Variants in PUS10 observed in about 807,000 individuals in gnomAD.
PUS10 encodes the protein pseudouridine synthase 10.
PUS10 carries 59 observed loss-of-function variants against 75.0 expected under a neutral mutation model. The ratio of observed to expected loss-of-function variants is 0.79; its 90% confidence interval spans 0.64 to 0.98. PUS10 has a LOEUF of 0.98. Among genes scored for constraint, PUS10 ranks in the 50% least tolerant of loss-of-function variants. The pLI is 0.00. For synonymous variants in PUS10, 219 were observed against 211.6 expected, an observed-to-expected ratio of 1.03 and a Z score of -0.30; for missense variants, 650 against 614.4, an observed-to-expected ratio of 1.06 and a Z score of -0.61.
At chr2:60,944,852 G>A (rs1045468691) in intron 17 of PUS10, among the ~76,000 whole-genome samples, 157 bp downstream of exon 17, 3 of 151,632 alleles carry the variant, frequency 2.0e-5, no homozygotes, top group Non-Finnish European at 2.9e-5. Context: ...AAAAAAATCC[G>A]AAGACAGTCC....
intron 4 of PUS10, among the ~76,000 whole-genome samples, chr2:61,002,377 T>C (rs894924358): frequency 1.3e-5 from 2 of 152,244 alleles, no homozygotes. Context: ...TTATTTTGTA[T>C]CTGTAAATAA....
intron 4 of PUS10, among the ~76,000 whole-genome samples, chr2:60,979,988 T>C (rs528534925): frequency 1.3e-5 from 2 of 152,298 alleles, no homozygotes; most frequent in South Asian, 4.1e-4. Flanking sequence ...TAGGTGCTGA[T>C]GTTTGTTTAG....
At chr2:61,001,703 A>G (rs1420529037) in intron 4 of PUS10, among the ~76,000 whole-genome samples, 4 of 152,246 alleles carry the variant, frequency 2.6e-5, no homozygotes, top group Non-Finnish European at 4.4e-5. Context: ...TCATAGGCCA[A>G]ACTAAAAAGT....
At chr2:61,017,630 GT>G in intron 1 of PUS10, 2 of 668,734 alleles carry the variant, frequency 3.0e-6, no homozygotes, top group Non-Finnish European at 5.2e-6. Flanking sequence ...CTCAAGCCTT[GT>G]CCTGACTGCA....
intron 4 of PUS10, among the ~76,000 whole-genome samples, chr2:60,981,374 C>A (rs1677381264): frequency 6.6e-6 from 1 of 152,066 alleles, no homozygotes. Context: ...CTTTTGCCTC[C>A]CAGGTTCAAG....
At chr2:60,948,943 T>C (rs1468245294) in intron 15 of PUS10, among the ~76,000 whole-genome samples, 2 of 152,306 alleles carry the variant, frequency 1.3e-5, no homozygotes, top group Non-Finnish European at 1.5e-5. Context: ...CCTCTTCATT[T>C]TCTTGTCGGA....
intron 4 of PUS10, among the ~76,000 whole-genome samples, chr2:60,997,704 T>TATA (rs1558970939): frequency 6.6e-6 from 1 of 152,126 alleles, no homozygotes; most frequent in Non-Finnish European, 1.5e-5. Context: ...ACATTCATTG[T>TATA]ATAATAGTTT....
At chr2:60,964,287 G>C (rs1446737034) in intron 8 of PUS10, among the ~76,000 whole-genome samples, 1 of 152,250 alleles carries the variant, frequency 6.6e-6, no homozygotes, top group Non-Finnish European at 1.5e-5. Context: ...CCAGCAATTA[G>C]TCAAAGCAAG....
At chr2:60,974,592 C>T (rs1275135052) in intron 4 of PUS10, among the ~76,000 whole-genome samples, 2 of 152,172 alleles carry the variant, frequency 1.3e-5, no homozygotes, top group African/African-American at 2.4e-5. Flanking sequence ...CCTAGGAGCT[C>T]CCTGAGCCAG....
intron 3 of PUS10, 73 bp from the exon 4 acceptor site, chr2:61,006,716 T>A: frequency 8.4e-7 from 1 of 1,188,786 alleles, no homozygotes; most frequent in Non-Finnish European, 1.2e-6. Flanking sequence ...CTTAATAACA[T>A]GAATTTCTGG....
intron 4 of PUS10, among the ~76,000 whole-genome samples, chr2:60,990,463 C>T (rs1388264494): frequency 6.6e-6 from 1 of 152,118 alleles, no homozygotes; most frequent in Non-Finnish European, 1.5e-5. Context: ...GAGAGGGAAT[C>T]CTGATAAGCC....
Position 61,018,017 on chromosome 2 carries a change from CT to C in PUS10, c.-26del. On this transcript the variant is annotated 5_prime_UTR_variant, in exon 1 of 18. Transcript: ENST00000316752. ...GAGCTGGGGCGCTTACCAGTGGGGA[CT>C]TTAGTGTCTCACAGCTGTTTCTGAC... is the stretch of plus-strand genomic sequence containing the variant. 1 of 1,384,930 alleles carries C rather than the reference CT, an allele frequency of 7.2e-7. No homozygotes were observed. The highest frequency in any genetic ancestry group is 9.7e-7 in the Non-Finnish European group (1 of 1,033,728). The allele number at this position is 1,384,930 out of a possible 1,614,324, so 85.8% of individuals were successfully genotyped here. A position where few individuals can be genotyped will look rare whatever the true frequency, so the allele number is the denominator to read the frequency against.
chr2:60,999,817 G>C (rs75914809), intron 4 of PUS10, among the ~76,000 whole-genome samples: 13 of 152,132 alleles, frequency 8.5e-5, no homozygotes, highest in African/African-American at 1.2e-4. Context: ...AAACATTTAG[G>C]GGGGAAAAAG....
intron 4 of PUS10, among the ~76,000 whole-genome samples, chr2:60,990,579 T>A (rs757050403): frequency 1.3e-5 from 2 of 152,280 alleles, no homozygotes; most frequent in Admixed American, 1.3e-4. Flanking sequence ...ATCACTGCAA[T>A]CCCTGTAGCT....
At position 61,018,082 on chromosome 2, in the gene PUS10, C is replaced by T. The variant is rs1028233709; in HGVS notation, c.-90G>A. The T allele has an allele frequency of 5.1e-5, 77 of 1,520,206 alleles. No homozygotes were observed. The Middle Eastern group carries it at 6.0e-4, about 12-fold the overall frequency. 94.2% of individuals were successfully genotyped at this position (1,520,206 alleles called of 1,614,324 possible). A position where few individuals can be genotyped will look rare whatever the true frequency, so the allele number is the denominator to read the frequency against. ...TCAGCAACGTTTTTTTCGGGAGCTC[C>T]TGGGCGTCTCTCTGGGTCTCTGTGC... On this transcript the variant is annotated 5_prime_UTR_variant, in exon 1 of 18. Transcript: ENST00000316752.
At chr2:61,006,706 C>A (rs1679235986) in intron 3 of PUS10, 63 bp from the exon 4 acceptor site, 3 of 1,273,234 alleles carry the variant, frequency 2.4e-6, no homozygotes, top group Non-Finnish European at 3.3e-6. Context: ...TTACCCTAAT[C>A]TTAATAACAT....
At chr2:60,989,725 T>C (rs1677957082) in intron 4 of PUS10, among the ~76,000 whole-genome samples, 1 of 152,014 alleles carries the variant, frequency 6.6e-6, no homozygotes, top group African/African-American at 2.4e-5. Flanking sequence ...CTCAAGCTAT[T>C]CTCCTGCCTC....
intron 11 of PUS10, among the ~76,000 whole-genome samples, chr2:60,959,259 T>A (rs948275224): frequency 2.6e-5 from 4 of 152,224 alleles, no homozygotes; most frequent in Admixed American, 6.5e-5. Flanking sequence ...ATGTGGAAGA[T>A]GTGTTTTAAT....
intron 4 of PUS10, among the ~76,000 whole-genome samples, chr2:61,004,831 A>G (rs1000308813): frequency 1.3e-5 from 2 of 152,222 alleles, no homozygotes; most frequent in African/African-American, 2.4e-5. Context: ...AATAAAACAT[A>G]GCACACTAAA....
Sources: gnomAD v4.1 joint callset for allele counts (sites outside exome capture counted in the v4.1 genomes callset) on GRCh38, gnomAD v4.1.1 for gene constraint, MANE v1.5 for transcripts, NCBI Gene and HGNC (gene_info 2026-07-23, HGNC 2026-07-21) for gene names.